NTSR1: variants seen among roughly 807,000 people sequenced by gnomAD.
NTSR1 encodes neurotensin receptor type 1.
A neutral mutation model predicts 31.2 loss-of-function variants in NTSR1; 29 were observed. The ratio of observed to expected loss-of-function variants is 0.93; its 90% CI spans 0.69 to 1.27. The LOEUF is 1.27. Ranked by LOEUF, NTSR1 falls within the 50% of genes most tolerant of loss-of-function variation. NTSR1 has a pLI of 0.00. For synonymous variants in NTSR1, 282 were observed against 269.9 expected (o/e 1.04, Z -0.44); for missense variants, 697 against 595.4 (o/e 1.17, Z -1.78).
At position 62,741,430 on chromosome 20, in the gene NTSR1, G is replaced by A. The variant is rs565113794; in HGVS notation, c.715-13255G>A. Among the ~76,000 whole-genome samples the A allele has an allele frequency of 2.7e-5, 4 of 149,858 alleles. No homozygotes were observed. The highest frequency in any genetic ancestry group is 2.2e-4 in the East Asian group (1 of 4,456). On this transcript the variant is annotated intron_variant, in intron 1 of 3. Transcript: ENST00000370501. This position sits in a 1 kb window ranked among gnomAD's most constrained non-coding sequence, Gnocchi z 4.3. ...AGGTGACGGGTGACTCACCAGCCCC[G>A]CTCAGAGGACGGGTCTGCAGGTGGC...
intron 1 of NTSR1, among the ~76,000 whole-genome samples, chr20:62,736,126 G>A (rs899019864): frequency 3.9e-5 from 6 of 152,224 alleles, no homozygotes; most frequent in Admixed American, 2.6e-4. Context: ...TTGTCCCTTC[G>A]GGGCAGGGCC....
chr20:62,735,948 A>G (rs1181812707), intron 1 of NTSR1, among the ~76,000 whole-genome samples: 4 of 152,234 alleles, frequency 2.6e-5, no homozygotes, highest in African/African-American at 9.6e-5. Context: ...TCTGGTCTGA[A>G]TCCCAAATTC....
chr20:62,731,787 C>G (rs1192106976), intron 1 of NTSR1, among the ~76,000 whole-genome samples: 1 of 152,212 alleles, frequency 6.6e-6, no homozygotes, highest in Non-Finnish European at 1.5e-5. Flanking sequence ...GCTCTCTTTT[C>G]TGTTCCATTG....
chr20:62,730,499 A>G (rs1385672476), intron 1 of NTSR1, among the ~76,000 whole-genome samples: 1 of 152,184 alleles, frequency 6.6e-6, no homozygotes, highest in Non-Finnish European at 1.5e-5. Context: ...TCACTCAGCT[A>G]TTGATGGACA....
At chr20:62,754,915 G>T in intron 2 of NTSR1, 29 bp downstream of exon 2, 1 of 1,554,132 alleles carries the variant, frequency 6.4e-7, no homozygotes, top group Non-Finnish European at 8.7e-7. Flanking sequence ...CTCCAGGGGC[G>T]GGAGGCAGGC....
intron 1 of NTSR1, among the ~76,000 whole-genome samples, chr20:62,720,146 A>G (rs1341797414): frequency 1.3e-5 from 2 of 152,286 alleles, no homozygotes; most frequent in African/African-American, 4.8e-5. Flanking sequence ...CTAAAAATAC[A>G]AAACTTAGCC....
chr20:62,724,654 AC>A (rs1988875849), intron 1 of NTSR1, among the ~76,000 whole-genome samples: 1 of 152,022 alleles, frequency 6.6e-6, no homozygotes, highest in Admixed American at 6.5e-5. Context: ...AACCACAGAA[AC>A]CCCGAGGGTC....
rs930819455 is a variant in NTSR1, at chr20:62,761,434, A to T, written c.*1167A>T. 5 of 152,304 alleles carry T rather than the reference A, an allele frequency of 3.3e-5. No individual in the cohort carries two copies. The highest frequency in any genetic ancestry group is 1.2e-4 in the African/African-American group (5 of 41,456). 9.4% of individuals were successfully genotyped at this position (152,304 alleles called of 1,614,324 possible). Reference sequence around the variant, plus strand: ...GCCCCGGCCTCCAAGCAGTTGAAAAAGCTGGCGCCTCCTTGGTCTCTAGGA... The same window carrying T: ...GCCCCGGCCTCCAAGCAGTTGAAAATGCTGGCGCCTCCTTGGTCTCTAGGA... On this transcript the variant is annotated 3_prime_UTR_variant, in exon 4 of 4. Coordinates refer to ENST00000370501, the MANE Select transcript of NTSR1 (RefSeq NM_002531.3).
chr20:62,738,527 C>T (rs1035984886), intron 1 of NTSR1, among the ~76,000 whole-genome samples: 32 of 152,364 alleles, frequency 2.1e-4, no homozygotes, highest in African/African-American at 6.0e-4. Flanking sequence ...GAAAATCTCC[C>T]GGCGAGCCTA....
intron 1 of NTSR1, among the ~76,000 whole-genome samples, chr20:62,752,567 G>A (rs1312447655): frequency 6.6e-6 from 1 of 152,232 alleles, no homozygotes; most frequent in Non-Finnish European, 1.5e-5. Flanking sequence ...ATCCTCCAAC[G>A]GGGGCAGCCA....
In NTSR1 at chr20:62,762,521, C is replaced by T. The variant is rs2427444; in HGVS notation, c.*2254C>T. 104,054 of 151,760 alleles carry T rather than the reference C, an allele frequency of 0.69. 41,860 individuals carry two copies. Among genetic ancestry groups the T allele is most frequent in the East Asian group, 0.9 (4,615 of 5,136 alleles). The allele number at this position is 151,760 out of a possible 1,614,324, so 9.4% of individuals were successfully genotyped here. The stretch of plus-strand genomic sequence containing the variant: ...TACCGTAGGTAGGGACACGTGTCCA[C>T]GCACCACAGACACACCCACGACACC... On this transcript the variant is annotated 3_prime_UTR_variant, in exon 4 of 4. Coordinates refer to ENST00000370501, the MANE Select transcript of NTSR1 (RefSeq NM_002531.3).
At chr20:62,746,524 G>T (rs1231131884) in intron 1 of NTSR1, among the ~76,000 whole-genome samples, 2 of 152,116 alleles carry the variant, frequency 1.3e-5, no homozygotes, top group Admixed American at 1.3e-4. Flanking sequence ...GAAAGGTGGA[G>T]GGAAGCTAGA....
chr20:62,733,942 C>G lies in NTSR1; in HGVS notation c.715-20743C>G, dbSNP rs2147139521. Among the ~76,000 whole-genome samples the G allele has an allele frequency of 6.6e-6, 1 of 152,328 alleles. No individual in the cohort carries two copies. Among genetic ancestry groups the G allele is most frequent in the Middle Eastern group, 3.4e-3 (1 of 294 alleles). ...CTCAATAGAGGATTCGAACAGCCCC[C>G]AGGCAGGGTCGCATTTTAAATGATG... On this transcript the variant is annotated intron_variant, in intron 1 of 3. Coordinates refer to ENST00000370501, the MANE Select transcript of NTSR1 (RefSeq NM_002531.3). The surrounding 1 kb of genome is among the most constrained non-coding windows in gnomAD (Gnocchi z 5.2).
intron 1 of NTSR1, among the ~76,000 whole-genome samples, chr20:62,712,615 AC>A (rs2147131000): frequency 6.6e-6 from 1 of 152,230 alleles, no homozygotes; most frequent in South Asian, 2.1e-4. Flanking sequence ...GGTGCCCAGG[AC>A]CCTCCCAAAG....
At position 62,745,505 on chromosome 20, in the gene NTSR1, C is replaced by T. The variant is rs117452789; in HGVS notation, c.715-9180C>T. 2.3e-4 allele frequency among the ~76,000 whole-genome samples: 35 copies of T among 151,878 alleles called. No individual in the cohort carries two copies. The East Asian group carries it at 6.0e-3, about 26-fold the overall frequency. Reference sequence around the variant, plus strand: ...AGAGACACACAGACAGAGACAGACACAGGAAAACAGTGAAAGACAGAGACA... The same window carrying T: ...AGAGACACACAGACAGAGACAGACATAGGAAAACAGTGAAAGACAGAGACA... On this transcript the variant is annotated intron_variant, in intron 1 of 3. Coordinates refer to ENST00000370501, the MANE Select transcript of NTSR1 (RefSeq NM_002531.3). The surrounding 1 kb of genome is among the most constrained non-coding windows in gnomAD (Gnocchi z 4.1).
In NTSR1 at chr20:62,716,100, C is replaced by T. The variant is rs1272250814; in HGVS notation, c.714+6179C>T. The stretch of plus-strand genomic sequence containing the variant: ...CATCTGGAAGGGCACAGTTGAGCGG[C>T]GTGAAGCACGTTCACATTGCTGTGC... On this transcript the variant is annotated intron_variant, in intron 1 of 3. Transcript: ENST00000370501. 3.3e-5 allele frequency among the ~76,000 whole-genome samples: 5 copies of T among 152,220 alleles called. No homozygotes were observed. In the East Asian group the frequency reaches 9.6e-4, roughly 29 times the overall value.
chr20:62,734,976 G>A (rs1989063591), intron 1 of NTSR1, among the ~76,000 whole-genome samples: 1 of 152,198 alleles, frequency 6.6e-6, no homozygotes, highest in African/African-American at 2.4e-5. Flanking sequence ...TTTGGGGTGT[G>A]TCCAGAGCCT....
In NTSR1 at chr20:62,758,402, T is replaced by C. The variant is rs1261756068; in HGVS notation, c.1007+46T>C. On this transcript the variant is annotated intron_variant, in intron 3 of 3. Coordinates refer to ENST00000370501, the MANE Select transcript of NTSR1 (RefSeq NM_002531.3). The surrounding 1 kb of genome is among the most constrained non-coding windows in gnomAD (Gnocchi z 4.5). ...AGTTGGGTGCTGGACAAGTAAGTGCTCCCAAAACAGATGGTGGGTGTGGCA... is the reference window on the plus strand; with the variant it reads ...AGTTGGGTGCTGGACAAGTAAGTGCCCCCAAAACAGATGGTGGGTGTGGCA... 1 of 1,538,532 alleles carries C rather than the reference T, an allele frequency of 6.5e-7. No homozygotes were observed. Among genetic ancestry groups the C allele is most frequent in the East Asian group, 2.3e-5 (1 of 44,384 alleles).
At position 62,709,639 on chromosome 20, in the gene NTSR1, C is replaced by G. The variant is rs772012467; in HGVS notation, c.432C>G (p.Tyr144Ter). 3.1e-6 allele frequency: 5 copies of G among 1,612,328 alleles called. No individual in the cohort carries two copies. The highest frequency in any genetic ancestry group is 1.7e-5 in the Admixed American group (1 of 60,004). The change falls in exon 1 of 4, where the codon TAC becomes TAG. Residue 144 changes from tyrosine (Y) to a stop codon, truncating the protein, a stop_gained. Coordinates refer to ENST00000370501, the MANE Select transcript of NTSR1 (RefSeq NM_002531.3). LOFTEE classifies it high-confidence loss of function. ...WAFGDAGCRGYYFLRDACTYA... is the reference protein window; with the variant it reads ...WAFGDAGCRG Reference sequence around the variant, plus strand: ...TCGGCGACGCCGGCTGCCGCGGCTACTACTTCCTGCGCGACGCCTGCACCT... The same window carrying G: ...TCGGCGACGCCGGCTGCCGCGGCTAGTACTTCCTGCGCGACGCCTGCACCT...
Sources: allele counts gnomAD v4.1 joint callset (sites outside exome capture counted in the v4.1 genomes callset), GRCh38; gene constraint gnomAD v4.1.1; non-coding constraint Gnocchi (gnomAD v3.1); transcripts MANE v1.5; gene names NCBI Gene and HGNC (gene_info 2026-07-23, HGNC 2026-07-21).